Variants in PRKCB observed in about 807,000 individuals in gnomAD.
PRKCB encodes the protein protein kinase C beta.
PRKCB carries 13 observed loss-of-function variants against 81.5 expected under a neutral mutation model. The observed-to-expected ratio is 0.16, with a 90% confidence interval of 0.10 to 0.25. The LOEUF (loss-of-function observed/expected upper bound fraction) is 0.25. Ranked by LOEUF, PRKCB falls within the 10% of genes least tolerant of loss-of-function variation. The pLI, the probability that PRKCB is intolerant of heterozygous loss-of-function variation, is 1.00. For missense variants in PRKCB, 509 were observed against 875.7 expected (o/e 0.58, Z 5.29); for synonymous variants, 335 against 321.4 (o/e 1.04, Z -0.45).
chr16:23,855,457 A>G (rs988672223), intron 2 of PRKCB, among the ~76,000 whole-genome samples: 1 of 152,220 alleles, frequency 6.6e-6, no homozygotes, highest in Non-Finnish European at 1.5e-5. Flanking sequence ...CAAACAAAAA[A>G]CAAAAATGAA....
intron 10 of PRKCB, among the ~76,000 whole-genome samples, chr16:24,162,848 A>G (rs928801651): frequency 5.3e-5 from 8 of 152,100 alleles, no homozygotes; most frequent in East Asian, 1.9e-4. Context: ...CCACTATGCA[A>G]TCTATGCAGG....
chr16:23,923,650 G>A (rs1414200383), intron 2 of PRKCB, among the ~76,000 whole-genome samples: 5 of 152,096 alleles, frequency 3.3e-5, no homozygotes, highest in Non-Finnish European at 7.4e-5. Flanking sequence ...CGCCATTGGT[G>A]ACTGTCCAAT....
intron 15 of PRKCB, among the ~76,000 whole-genome samples, chr16:24,187,192 T>G (rs766668447): frequency 2.0e-5 from 3 of 152,252 alleles, no homozygotes; most frequent in Non-Finnish European, 4.4e-5. Context: ...AAATCAGATC[T>G]TGCCACATTG....
At chr16:23,996,539 T>C (rs186948894) in intron 3 of PRKCB, among the ~76,000 whole-genome samples, 20 of 152,354 alleles carry the variant, frequency 1.3e-4, no homozygotes, top group Admixed American at 1.1e-3. Context: ...CCTTCCATTA[T>C]GGAAGAGGCA....
chr16:24,145,272 G>A (rs562026087), intron 9 of PRKCB, among the ~76,000 whole-genome samples: 47 of 152,102 alleles, frequency 3.1e-4, no homozygotes, highest in Non-Finnish European at 6.0e-4. Context: ...CTAAAGCATC[G>A]TTCAGGTGTA....
At chr16:24,108,985 AC>A (rs1434740004) in intron 7 of PRKCB, among the ~76,000 whole-genome samples, 1 of 67,666 alleles carries the variant, frequency 1.5e-5, no homozygotes, top group African/African-American at 7.0e-5. Context: ...CGGGGGACTG[AC>A]CCCCCCACCT....
intron 3 of PRKCB, among the ~76,000 whole-genome samples, chr16:24,010,162 G>T (rs1965182571): frequency 6.6e-6 from 1 of 152,188 alleles, no homozygotes; most frequent in Non-Finnish European, 1.5e-5. Flanking sequence ...CCAGGCAGGT[G>T]GGTGAATGAG....
chr16:24,079,642 G>A (rs570450685), intron 5 of PRKCB, among the ~76,000 whole-genome samples: 3 of 152,264 alleles, frequency 2.0e-5, no homozygotes, highest in Non-Finnish European at 2.9e-5. Flanking sequence ...CAGAATCTTT[G>A]GGGAATTTTT....
At chr16:24,206,188 A>G (rs1968042790) in intron 16 of PRKCB, among the ~76,000 whole-genome samples, 2 of 152,164 alleles carry the variant, frequency 1.3e-5, no homozygotes, top group Non-Finnish European at 2.9e-5. Context: ...TTTTTCTGCC[A>G]AAACCCAGAC....
intron 2 of PRKCB, among the ~76,000 whole-genome samples, chr16:23,889,164 A>G (rs1011659127): frequency 7.5e-6 from 1 of 133,312 alleles, no homozygotes; most frequent in African/African-American, 3.3e-5. Flanking sequence ...CCATCCATCC[A>G]TCCATCCGTC....
chr16:24,075,993 C>T (rs1966172336), intron 5 of PRKCB, among the ~76,000 whole-genome samples: 1 of 152,122 alleles, frequency 6.6e-6, no homozygotes, highest in Non-Finnish European at 1.5e-5. Flanking sequence ...GCACAATGTG[C>T]AGGTTTGTTA....
At chr16:24,194,153 C>T (rs1967842685) in intron 16 of PRKCB, among the ~76,000 whole-genome samples, 1 of 151,936 alleles carries the variant, frequency 6.6e-6, no homozygotes, top group Admixed American at 6.6e-5. Context: ...ATAGTGAAAC[C>T]CCATCTGTAC....
At chr16:23,853,269 T>C (rs7404095) in intron 2 of PRKCB, among the ~76,000 whole-genome samples, 88,781 of 152,110 alleles carry the variant, frequency 0.58, 25,993 homozygotes, top group South Asian at 0.62. Flanking sequence ...GTTTATTTCT[T>C]ACTCATGTCA....
intron 4 of PRKCB, among the ~76,000 whole-genome samples, chr16:24,033,256 G>A (rs1455377076): frequency 6.6e-6 from 1 of 152,196 alleles, no homozygotes; most frequent in Non-Finnish European, 1.5e-5. Context: ...GAAAGTCATA[G>A]GGCAGAGAGT....
intron 2 of PRKCB, among the ~76,000 whole-genome samples, chr16:23,921,111 A>G (rs1963818692): frequency 6.6e-6 from 1 of 152,126 alleles, no homozygotes; most frequent in South Asian, 2.1e-4. Context: ...TGATTCAGTT[A>G]TTTCCACCTA....
chr16:24,145,837 G>A (rs1834074381), intron 9 of PRKCB, among the ~76,000 whole-genome samples: 1 of 152,234 alleles, frequency 6.6e-6, no homozygotes, highest in South Asian at 2.1e-4. Flanking sequence ...TTGGTGAAAA[G>A]ATGATGTTGA....
chr16:24,215,996 A>G lies in PRKCB; in HGVS notation c.*1180A>G, dbSNP rs1421514325. 6 of 984,476 alleles carry G rather than the reference A, an allele frequency of 6.1e-6. No individual in the cohort carries two copies. The African/African-American group carries it at 8.7e-5, about 14-fold the overall frequency. The allele number at this position is 984,476 out of a possible 1,614,324, so 61.0% of individuals were successfully genotyped here. On this transcript the variant is annotated 3_prime_UTR_variant, in exon 17 of 17. Transcript: ENST00000643927. ...AGCATCGAGATACAATAAAAAAAAA[A>G]AAAAAGAAAAGAAGAAGAAATACTA...
At chr16:24,190,583 G>A (rs147485399) in intron 15 of PRKCB, among the ~76,000 whole-genome samples, 49 of 149,362 alleles carry the variant, frequency 3.3e-4, no homozygotes, top group Non-Finnish European at 5.2e-4. Context: ...GCAGTGGCGC[G>A]ATCTCAGCTC....
intron 3 of PRKCB, among the ~76,000 whole-genome samples, chr16:24,007,339 G>A (rs1965139334): frequency 6.6e-6 from 1 of 152,126 alleles, no homozygotes; most frequent in African/African-American, 2.4e-5. Context: ...CCTTATTTTT[G>A]GAATTGCATG....
Sources: gnomAD v4.1 joint callset for allele counts (sites outside exome capture counted in the v4.1 genomes callset) on GRCh38, gnomAD v4.1.1 for gene constraint, MANE v1.5 for transcripts, NCBI Gene and HGNC (gene_info 2026-07-23, HGNC 2026-07-21) for gene names.